TDRD12: variants seen among roughly 807,000 people sequenced by gnomAD.
TDRD12 encodes putative ATP-dependent RNA helicase TDRD12.
TDRD12 carries 158 observed loss-of-function variants against 133.5 expected under a neutral mutation model. The observed-to-expected ratio is 1.18, with a 90% CI of 1.04 to 1.35. The LOEUF (loss-of-function observed/expected upper bound fraction) is 1.35. Ranked by LOEUF, TDRD12 falls within the 40% of genes most tolerant of loss-of-function variation. The pLI is 0.00. For synonymous variants in TDRD12, 460 were observed against 477.9 expected (o/e 0.96, Z 0.49); for missense variants, 1,443 against 1,321.3 (o/e 1.09, Z -1.43).
intron 11 of TDRD12, among the ~76,000 whole-genome samples, chr19:32,785,314 G>C (rs1174083967): frequency 6.6e-6 from 1 of 152,200 alleles, no homozygotes; most frequent in African/African-American, 2.4e-5. Context: ...ATTGCACTCT[G>C]GTCTGAGAGA....
chr19:32,729,637 T>C (rs1968978353), intron 1 of TDRD12, among the ~76,000 whole-genome samples: 1 of 151,572 alleles, frequency 6.6e-6, no homozygotes, highest in African/African-American at 2.4e-5. Flanking sequence ...ATTTCTTAAG[T>C]GAGATTCTTT....
chr19:32,779,535 C>T lies in TDRD12; in HGVS notation c.1121+2306C>T, dbSNP rs950380310. ...GATACTTGGGTAGCAGAGGAAGTGGCGGGGCCCACACCCAGGTTTAAGGGC... is the reference window on the plus strand; with the variant it reads ...GATACTTGGGTAGCAGAGGAAGTGGTGGGGCCCACACCCAGGTTTAAGGGC... On this transcript the variant is annotated intron_variant, in intron 11 of 27. Transcript: ENST00000444215. Among the ~76,000 whole-genome samples, 8 of 152,084 alleles carry T rather than the reference C, an allele frequency of 5.3e-5. 1 individual carries two copies. The highest frequency in any genetic ancestry group is 2.1e-4 in the South Asian group (1 of 4,820).
chr19:32,748,181 T>G (rs969936001), intron 4 of TDRD12, among the ~76,000 whole-genome samples: 4 of 152,148 alleles, frequency 2.6e-5, no homozygotes, highest in Admixed American at 2.6e-4. Context: ...GAGACTGATT[T>G]GTCTGGGGAT....
intron 25 of TDRD12, 113 bp from the exon 26 acceptor site, chr19:32,815,335 G>C (rs576521954): frequency 3.4e-6 from 3 of 872,782 alleles, no homozygotes; most frequent in Admixed American, 5.4e-5. Flanking sequence ...AAGCGCCGAA[G>C]TGCAGCCAAC....
intron 6 of TDRD12, among the ~76,000 whole-genome samples, chr19:32,751,133 G>C (rs1281761660): frequency 7.7e-6 from 1 of 130,192 alleles, no homozygotes; most frequent in African/African-American, 3.0e-5. Flanking sequence ...AGGCCCCAGT[G>C]TGTGTTGTTT....
At chr19:32,824,708 A>AG (rs1967527078), downstream of TDRD12, among the ~76,000 whole-genome samples, 1 of 151,944 alleles carries the variant, frequency 6.6e-6, no homozygotes, top group Non-Finnish European at 1.5e-5. Flanking sequence ...CCTGAGCTCG[A>AG]GGGGATGCGT....
chr19:32,772,563 A>G (rs1308332667), intron 8 of TDRD12, among the ~76,000 whole-genome samples, 190 bp from the exon 9 acceptor site: 2 of 152,240 alleles, frequency 1.3e-5, no homozygotes, highest in African/African-American at 4.8e-5. Flanking sequence ...TTGTTTTTAC[A>G]ATAAAGGTTG....
chr19:32,736,631 G>A (rs1969232500), intron 2 of TDRD12, among the ~76,000 whole-genome samples: 1 of 152,174 alleles, frequency 6.6e-6, no homozygotes, highest in Admixed American at 6.5e-5. Context: ...GTTATGTGAG[G>A]TTCTCTAGAA....
chr19:32,757,220 C>A (rs1461443940), intron 8 of TDRD12, 90 bp downstream of exon 8: 3 of 1,028,674 alleles, frequency 2.9e-6, no homozygotes, highest in Non-Finnish European at 4.3e-6. Flanking sequence ...CTAGAAAGGC[C>A]ATGGTAATTC....
At chr19:32,732,654 A>G (rs1322185756) in intron 2 of TDRD12, among the ~76,000 whole-genome samples, 1 of 152,216 alleles carries the variant, frequency 6.6e-6, no homozygotes, top group African/African-American at 2.4e-5. Context: ...CAGCTCAGCT[A>G]CTTTTCAGAA....
chr19:32,755,755 C>T (rs980544154), intron 6 of TDRD12, among the ~76,000 whole-genome samples: 7 of 152,176 alleles, frequency 4.6e-5, no homozygotes, highest in South Asian at 2.1e-4. Context: ...TGCTACAGTG[C>T]GTATGTCCAA....
At chr19:32,787,255 G>C (rs941974739) in intron 11 of TDRD12, among the ~76,000 whole-genome samples, 1 of 152,176 alleles carries the variant, frequency 6.6e-6, no homozygotes, top group Non-Finnish European at 1.5e-5. Flanking sequence ...AGAGGCTGCA[G>C]AACAGCAAAT....
intron 15 of TDRD12, among the ~76,000 whole-genome samples, 154 bp downstream of exon 15, chr19:32,798,045 C>T (rs1424932761): frequency 6.6e-6 from 1 of 152,208 alleles, no homozygotes; most frequent in Non-Finnish European, 1.5e-5. Context: ...TACTTGTCAG[C>T]TCCCGACGGT....
At chr19:32,784,371 G>C (rs933488946) in intron 11 of TDRD12, among the ~76,000 whole-genome samples, 5 of 152,168 alleles carry the variant, frequency 3.3e-5, no homozygotes, top group Non-Finnish European at 5.9e-5. Context: ...GCTTTTTGAT[G>C]TGCTGCTGGA....
intron 8 of TDRD12, 61 bp downstream of exon 8, chr19:32,757,191 T>A: frequency 3.0e-6 from 4 of 1,351,950 alleles, no homozygotes; most frequent in Non-Finnish European, 4.1e-6. Flanking sequence ...CTTAGCTTTT[T>A]AAAGATTAGA....
At chr19:32,771,294 C>T (rs1405676925) in intron 8 of TDRD12, among the ~76,000 whole-genome samples, 4 of 152,198 alleles carry the variant, frequency 2.6e-5, no homozygotes, top group African/African-American at 9.7e-5. Flanking sequence ...CCTCAGCCTC[C>T]CAAGTAGCTG....
chr19:32,778,244 C>G (rs759063797), intron 11 of TDRD12, among the ~76,000 whole-genome samples: 1 of 151,992 alleles, frequency 6.6e-6, no homozygotes, highest in South Asian at 2.1e-4. Context: ...GCTTCTTACC[C>G]CACAGGACAC....
chr19:32,735,294 A>C (rs1969191414), intron 2 of TDRD12, among the ~76,000 whole-genome samples: 1 of 152,194 alleles, frequency 6.6e-6, no homozygotes, highest in African/African-American at 2.4e-5. Context: ...ATGAAAAAAG[A>C]AGCAGCCTTA....
chr19:32,755,568 T>TCTGGATA (rs1191381652), intron 6 of TDRD12, among the ~76,000 whole-genome samples: 1 of 152,264 alleles, frequency 6.6e-6, no homozygotes, highest in African/African-American at 2.4e-5. Flanking sequence ...CCTTATATAT[T>TCTGGATA]CTGGATACAT....
Sources: allele counts gnomAD v4.1 joint callset (sites outside exome capture counted in the v4.1 genomes callset), GRCh38; gene constraint gnomAD v4.1.1; transcripts MANE v1.5; gene names NCBI Gene and HGNC (gene_info 2026-07-23, HGNC 2026-07-21).